ANKRD33B: variants seen among roughly 807,000 people sequenced by gnomAD.
ANKRD33B encodes the protein ankyrin repeat domain 33B, also known as ankyrin repeat domain-containing protein 33B.
Under a neutral mutation model 21.5 loss-of-function variants are expected in ANKRD33B, and 6 were observed. The observed-to-expected ratio is 0.28, with a 90% CI of 0.15 to 0.55. ANKRD33B has a LOEUF of 0.55. Ranked by LOEUF, ANKRD33B falls within the 20% of genes least tolerant of loss-of-function variation. The pLI, the probability that ANKRD33B is intolerant of heterozygous loss-of-function variation, is 0.94. For synonymous variants in ANKRD33B, 347 were observed against 342.4 expected, an observed-to-expected ratio of 1.01 and a Z score of -0.15; for missense variants, 698 against 747.2, an observed-to-expected ratio of 0.93 and a Z score of 0.77.
intron 3 of ANKRD33B, among the ~76,000 whole-genome samples, chr5:10,640,603 G>C (rs1167120694): frequency 6.6e-6 from 1 of 152,244 alleles, no homozygotes; most frequent in Non-Finnish European, 1.5e-5. Context: ...ACATCTCAGT[G>C]AATGTGCGAT....
chr5:10,587,583 A>T (rs1272562316), intron 1 of ANKRD33B, among the ~76,000 whole-genome samples: 1 of 151,490 alleles, frequency 6.6e-6, no homozygotes, highest in Non-Finnish European at 1.5e-5. Flanking sequence ...TGAAAAAAAA[A>T]AGAGAAGTAC....
intron 1 of ANKRD33B, among the ~76,000 whole-genome samples, chr5:10,605,818 C>T (rs915717334): frequency 6.6e-5 from 10 of 152,218 alleles, no homozygotes; most frequent in African/African-American, 2.4e-4. Flanking sequence ...CATGAGCCAC[C>T]ATGCCTGGCT....
At chr5:10,594,141 T>C (rs1382159213) in intron 1 of ANKRD33B, among the ~76,000 whole-genome samples, 1 of 149,978 alleles carries the variant, frequency 6.7e-6, no homozygotes, top group African/African-American at 2.5e-5. Flanking sequence ...CAGGGAGGGA[T>C]GTTTAAAGAG....
intron 1 of ANKRD33B, among the ~76,000 whole-genome samples, chr5:10,568,635 A>G (rs554775983): frequency 5.3e-5 from 8 of 152,308 alleles, no homozygotes; most frequent in East Asian, 1.9e-4. Context: ...CCGGGGTTCA[A>G]GTGAATCTCC....
intron 2 of ANKRD33B, among the ~76,000 whole-genome samples, chr5:10,629,761 G>C (rs992430949): frequency 6.6e-6 from 1 of 152,148 alleles, no homozygotes; most frequent in Admixed American, 6.5e-5. Flanking sequence ...GAGAGAACAG[G>C]AGCTCAGAAT....
intron 1 of ANKRD33B, among the ~76,000 whole-genome samples, chr5:10,598,047 C>G (rs1735852843): frequency 6.6e-6 from 1 of 152,148 alleles, no homozygotes; most frequent in Non-Finnish European, 1.5e-5. Context: ...CCAATTACCA[C>G]TACTTTTTCC....
At position 10,649,435 on chromosome 5, in the gene ANKRD33B, G is replaced by A. The variant is rs898225653; in HGVS notation, c.807G>A (p.Ala269=). The A allele has an allele frequency of 5.9e-5, 91 of 1,535,242 alleles. No homozygotes were observed. The African/African-American group carries it at 7.7e-4, about 13-fold the overall frequency. ...CCGAGCTGCCGCCGCCCCCTGAAGC[G>A]GCGCGGAAGCCCGCGGGCTCCAAGA... is the stretch of plus-strand genomic sequence containing the variant. ...YRPELPPPPE[A]ARKPAGSKNC... The change falls in exon 4 of 4, where the codon GCG becomes GCA. Residue 269 remains alanine (A), a synonymous_variant. Transcript: ENST00000296657.
At chr5:10,637,257 AC>A (rs1289840452) in intron 2 of ANKRD33B, among the ~76,000 whole-genome samples, 2 of 152,214 alleles carry the variant, frequency 1.3e-5, no homozygotes, top group Non-Finnish European at 2.9e-5. Flanking sequence ...AACTGAGAGC[AC>A]CATGGGCGTG....
chr5:10,628,146 C>T (rs1736624752), intron 2 of ANKRD33B: 1 of 152,272 alleles, frequency 6.6e-6, no homozygotes, highest in African/African-American at 2.4e-5. Context: ...CAACCCAATT[C>T]TGTAACATTT....
chr5:10,624,315 A>T (rs1736493301), intron 2 of ANKRD33B, among the ~76,000 whole-genome samples: 2 of 152,036 alleles, frequency 1.3e-5, no homozygotes, highest in South Asian at 4.1e-4. Flanking sequence ...TTTTCAGCAG[A>T]GGCGGGGTTT....
chr5:10,586,523 G>GTT (rs564359955), intron 1 of ANKRD33B, among the ~76,000 whole-genome samples: 241 of 142,784 alleles, frequency 1.7e-3, no homozygotes, highest in Non-Finnish European at 2.9e-3. Flanking sequence ...GTGTGTGTGT[G>GTT]TGTGTGTGTG....
intron 1 of ANKRD33B, among the ~76,000 whole-genome samples, chr5:10,604,322 G>T (rs1461156660): frequency 6.7e-6 from 1 of 150,244 alleles, no homozygotes; most frequent in Non-Finnish European, 1.5e-5. Flanking sequence ...CTCCCGAGTA[G>T]CTGGGACCAC....
At chr5:10,594,580 C>T (rs1735779485) in intron 1 of ANKRD33B, among the ~76,000 whole-genome samples, 3 of 152,226 alleles carry the variant, frequency 2.0e-5, no homozygotes, top group Admixed American at 6.5e-5. Context: ...CCATGCATGC[C>T]GAGGGCACAT....
chr5:10,595,422 C>G (rs919060442), intron 1 of ANKRD33B, among the ~76,000 whole-genome samples: 1 of 152,176 alleles, frequency 6.6e-6, no homozygotes, highest in Non-Finnish European at 1.5e-5. Flanking sequence ...CAGCATCGCT[C>G]CAATCTCTCT....
intron 1 of ANKRD33B, among the ~76,000 whole-genome samples, chr5:10,572,991 C>T (rs145557586): frequency 2.3e-4 from 35 of 152,290 alleles, no homozygotes; most frequent in Non-Finnish European, 4.7e-4. Context: ...TGGAAGCATA[C>T]GTCGTTATTT....
At chr5:10,590,215 T>G (rs1391555333) in intron 1 of ANKRD33B, among the ~76,000 whole-genome samples, 1 of 152,228 alleles carries the variant, frequency 6.6e-6, no homozygotes, top group African/African-American at 2.4e-5. Context: ...TATTTTCTGT[T>G]TTTCTCTTGG....
In ANKRD33B at chr5:10,657,810, A is replaced by C. The variant is rs542800526; in HGVS notation, c.*7697A>C. ...CTAAAGAATAAAAAATCACTTGTTA[A>C]AACGCATTCTTATGGTACAAATGTG... On this transcript the variant is annotated 3_prime_UTR_variant, in exon 4 of 4. Coordinates refer to ENST00000296657, the MANE Select transcript of ANKRD33B (RefSeq NM_001164440.2). 160 of 152,526 alleles carry C rather than the reference A, an allele frequency of 1.0e-3. 1 individual carries two copies. Among genetic ancestry groups the C allele is most frequent in the African/African-American group, 3.5e-3 (145 of 41,600 alleles). 9.4% of individuals were successfully genotyped at this position (152,526 alleles called of 1,614,324 possible).
chr5:10,608,838 G>T (rs904216499), intron 1 of ANKRD33B, among the ~76,000 whole-genome samples: 11 of 152,188 alleles, frequency 7.2e-5, no homozygotes, highest in Admixed American at 2.0e-4. Context: ...AAGTGGTGTC[G>T]AGAAAACAAT....
chr5:10,608,165 A>G (rs1302420793), intron 1 of ANKRD33B, among the ~76,000 whole-genome samples: 2 of 148,172 alleles, frequency 1.3e-5, no homozygotes, highest in Non-Finnish European at 1.5e-5. Context: ...CCTGATCAAC[A>G]TGGTGAAACC....
Sources: allele counts gnomAD v4.1 joint callset (sites outside exome capture counted in the v4.1 genomes callset), GRCh38; gene constraint gnomAD v4.1.1; transcripts MANE v1.5; gene names NCBI Gene and HGNC (gene_info 2026-07-23, HGNC 2026-07-21).